ANTXR1: variants seen among roughly 807,000 people sequenced by gnomAD.
ANTXR1 encodes anthrax toxin receptor 1.
Under a neutral mutation model 78.1 loss-of-function variants are expected in ANTXR1, and 19 were observed. That is an observed-to-expected ratio of 0.24 (90% CI 0.17 to 0.36). The LOEUF is 0.36. Among genes scored for constraint, ANTXR1 ranks in the 10% least tolerant of loss-of-function variants. The pLI, the probability that ANTXR1 is intolerant of heterozygous loss-of-function variation, is 1.00. For synonymous variants in ANTXR1, 273 were observed against 260.5 expected (o/e 1.05, Z -0.46); for missense variants, 518 against 718.6 (o/e 0.72, Z 3.19).
intron 9 of ANTXR1, 57 bp downstream of exon 9, chr2:69,090,976 A>G (rs919925027): frequency 1.3e-6 from 2 of 1,553,858 alleles, no homozygotes; most frequent in African/African-American, 1.4e-5. Context: ...TTTGAGTTCA[A>G]GTCACGTATG....
chr2:69,215,519 A>C (rs1032808443), intron 17 of ANTXR1, among the ~76,000 whole-genome samples: 1 of 152,264 alleles, frequency 6.6e-6, no homozygotes, highest in Non-Finnish European at 1.5e-5. Context: ...TGGGGCATAG[A>C]CATCATCTGG....
intron 3 of ANTXR1, 25 bp downstream of exon 3, chr2:69,044,838 G>A: frequency 6.2e-7 from 1 of 1,610,986 alleles, no homozygotes; most frequent in South Asian, 1.1e-5. Flanking sequence ...TATCTCTGTT[G>A]TTAAAAAGTC....
rs1676038864 is a variant in ANTXR1 at position 69,247,111 on chromosome 2, T to A, written c.*1626T>A. 1 of 152,594 alleles carries A rather than the reference T, an allele frequency of 6.6e-6. No individual in the cohort carries two copies. The allele number at this position is 152,594 out of a possible 1,614,324, so 9.5% of individuals were successfully genotyped here. On this transcript the variant is annotated 3_prime_UTR_variant, in exon 18 of 18. Transcript: ENST00000303714. ...GGCCATGGCAGACATTGCTAATCAA[T>A]CACAGCACTATTTCCTATTAAGCCC...
intron 9 of ANTXR1, 42 bp downstream of exon 9, chr2:69,090,961 G>A (rs763104215): frequency 6.3e-7 from 1 of 1,592,982 alleles, no homozygotes; most frequent in Non-Finnish European, 8.6e-7. Context: ...TACAATTGAT[G>A]ATATTTTGAG....
intron 14 of ANTXR1, among the ~76,000 whole-genome samples, chr2:69,177,834 G>A (rs553657436): frequency 6.6e-6 from 1 of 152,288 alleles, no homozygotes; most frequent in African/African-American, 2.4e-5. Flanking sequence ...ACCACTCGGG[G>A]GGATTGGGGG....
chr2:69,094,322 C>T (rs1398571369), intron 9 of ANTXR1, among the ~76,000 whole-genome samples: 1 of 152,094 alleles, frequency 6.6e-6, no homozygotes, highest in Non-Finnish European at 1.5e-5. Context: ...TAATGTCATA[C>T]CTAGATGAGA....
At chr2:69,184,007 C>A (rs898745543) in intron 16 of ANTXR1, among the ~76,000 whole-genome samples, 2 of 152,060 alleles carry the variant, frequency 1.3e-5, no homozygotes, top group African/African-American at 4.8e-5. Flanking sequence ...TCCAAAGCCT[C>A]AAGTCAAAGA....
chr2:69,106,115 T>G (rs900907545), intron 10 of ANTXR1, among the ~76,000 whole-genome samples: 5 of 152,216 alleles, frequency 3.3e-5, no homozygotes, highest in African/African-American at 1.2e-4. Flanking sequence ...ACTTTGCAAA[T>G]TGATCATGCT....
In ANTXR1 at chr2:69,101,392, G is replaced by A. The variant is rs574305891; in HGVS notation, c.704-1450G>A. Among the ~76,000 whole-genome samples the A allele has an allele frequency of 2.0e-5, 3 of 152,284 alleles. No individual in the cohort carries two copies. The South Asian group carries it at 6.2e-4, about 32-fold the overall frequency. Reference sequence around the variant, plus strand: ...TGGTGCCTAACAGACCTCGATTCCAGTTCTGATTCTGACAAGTTACCAGCT... The same window carrying A: ...TGGTGCCTAACAGACCTCGATTCCAATTCTGATTCTGACAAGTTACCAGCT... On this transcript the variant is annotated intron_variant, in intron 9 of 17. Coordinates refer to ENST00000303714, the MANE Select transcript of ANTXR1 (RefSeq NM_032208.3).
At chr2:69,034,544 C>T (rs1671620208) in intron 1 of ANTXR1, among the ~76,000 whole-genome samples, 1 of 152,146 alleles carries the variant, frequency 6.6e-6, no homozygotes, top group South Asian at 2.1e-4. Context: ...GCTAGAACTG[C>T]ATTTGAGTTA....
chr2:69,055,685 C>G (rs1210427391), intron 3 of ANTXR1, among the ~76,000 whole-genome samples: 2 of 149,488 alleles, frequency 1.3e-5, no homozygotes, highest in Non-Finnish European at 2.9e-5. Flanking sequence ...TATTCCATAA[C>G]ATAATTCCAT....
chr2:69,214,468 A>G (rs1372720569), intron 17 of ANTXR1, among the ~76,000 whole-genome samples: 1 of 152,222 alleles, frequency 6.6e-6, no homozygotes, highest in Non-Finnish European at 1.5e-5. Context: ...ACCCTCAAAA[A>G]CAAACTCCAA....
chr2:69,239,122 A>G (rs758330415), intron 17 of ANTXR1, among the ~76,000 whole-genome samples: 13 of 152,216 alleles, frequency 8.5e-5, no homozygotes, highest in Non-Finnish European at 1.8e-4. Flanking sequence ...TGAAGTTTCA[A>G]TTTATTAATA....
chr2:69,214,302 G>C (rs931341675), intron 17 of ANTXR1, among the ~76,000 whole-genome samples: 1 of 152,216 alleles, frequency 6.6e-6, no homozygotes, highest in Non-Finnish European at 1.5e-5. Context: ...TGTGGGACAA[G>C]AAGACAAGTG....
intron 1 of ANTXR1, among the ~76,000 whole-genome samples, chr2:69,037,137 G>A (rs1475493842): frequency 6.6e-6 from 1 of 152,354 alleles, no homozygotes; most frequent in South Asian, 2.1e-4. Context: ...CTTCACGTAA[G>A]TCACGGGAAT....
intron 12 of ANTXR1, among the ~76,000 whole-genome samples, chr2:69,138,636 G>A (rs1175976200): frequency 6.6e-6 from 1 of 152,206 alleles, no homozygotes; most frequent in Non-Finnish European, 1.5e-5. Context: ...CTCCTCGAAA[G>A]AAGAGTCAGC....
rs763210251 is a variant in ANTXR1, at chr2:69,182,632, C to T, written c.1325C>T (p.Ser442Phe). ...NLNNNMRRPSSPRKWYSPIKG... is the reference protein window; with the variant it reads ...NLNNNMRRPSFPRKWYSPIKG... ...AACAACAATATGCGTCGGCCTTCTT[C>T]CCCCCGGAAGTGGTACTCTCCAATC... is the stretch of plus-strand genomic sequence containing the variant. Residue 442 changes from serine to phenylalanine, a missense_variant, in exon 16 of 18, where the codon TCC (serine) becomes TTC (phenylalanine). Coordinates refer to ENST00000303714, the MANE Select transcript of ANTXR1 (RefSeq NM_032208.3). 6 of 1,614,128 alleles carry T rather than the reference C, an allele frequency of 3.7e-6. No individual in the cohort carries two copies. Among genetic ancestry groups the T allele is most frequent in the East Asian group, 4.5e-5 (2 of 44,876 alleles).
At chr2:69,102,758 T>C in intron 9 of ANTXR1, 84 bp from the exon 10 acceptor site, 1 of 1,360,154 alleles carries the variant, frequency 7.4e-7, no homozygotes, top group Non-Finnish European at 1.1e-6. Flanking sequence ...GGTGAAATAG[T>C]GAACAAATGC....
At chr2:69,104,554 TCTCC>T (rs1376226733) in intron 10 of ANTXR1, among the ~76,000 whole-genome samples, 1 of 152,222 alleles carries the variant, frequency 6.6e-6, no homozygotes, top group African/African-American at 2.4e-5. Context: ...CTTTCTTTTT[TCTCC>T]CTGTCAATTG....
Sources: gnomAD v4.1 joint callset for allele counts (sites outside exome capture counted in the v4.1 genomes callset) on GRCh38, gnomAD v4.1.1 for gene constraint, MANE v1.5 for transcripts, NCBI Gene and HGNC (gene_info 2026-07-23, HGNC 2026-07-21) for gene names.